Variants in ITFG1 observed in about 807,000 individuals in gnomAD.
ITFG1 encodes integrin alpha FG-GAP repeat containing 1.
Under a neutral mutation model 81.8 loss-of-function variants are expected in ITFG1, and 34 were observed. That is an observed-to-expected ratio of 0.42 (90% CI 0.32 to 0.55). The LOEUF is 0.55. Ranked by LOEUF, ITFG1 falls within the 20% of genes least tolerant of loss-of-function variation. The pLI is 0.17. For missense variants in ITFG1, 672 were observed against 755.4 expected (o/e 0.89, Z 1.29); for synonymous variants, 285 against 270.6 (o/e 1.05, Z -0.52).
intron 14 of ITFG1, among the ~76,000 whole-genome samples, chr16:47,202,847 A>G (rs1382066458): frequency 1.3e-5 from 2 of 152,196 alleles, no homozygotes; most frequent in African/African-American, 4.8e-5. Flanking sequence ...AAAAAGTAAA[A>G]ATAACTAAAT....
chr16:47,297,324 A>T (rs1247800023), intron 10 of ITFG1, among the ~76,000 whole-genome samples: 2 of 152,176 alleles, frequency 1.3e-5, no homozygotes, highest in African/African-American at 4.8e-5. Flanking sequence ...TTACCAGCTG[A>T]GAGGATTTCT....
chr16:47,279,011 G>GT (rs1205240938), intron 10 of ITFG1, among the ~76,000 whole-genome samples: 9 of 152,034 alleles, frequency 5.9e-5, no homozygotes, highest in South Asian at 2.1e-4. Context: ...TGAGTTTAGA[G>GT]TTTTTTTATA....
chr16:47,347,853 AG>A (rs1417401887), intron 8 of ITFG1, among the ~76,000 whole-genome samples: 8 of 152,242 alleles, frequency 5.3e-5, no homozygotes, highest in Admixed American at 3.9e-4. Flanking sequence ...GAACTTCCAG[AG>A]GAACGATCAG....
intron 13 of ITFG1, among the ~76,000 whole-genome samples, chr16:47,223,443 A>T (rs963095305): frequency 2.0e-5 from 3 of 152,266 alleles, no homozygotes; most frequent in Non-Finnish European, 2.9e-5. Context: ...ACATTTATGC[A>T]GCCAAAAAAC....
chr16:47,218,805 T>C, intron 14 of ITFG1, 63 bp downstream of exon 14: 1 of 967,224 alleles, frequency 1.0e-6, no homozygotes, highest in Non-Finnish European at 1.5e-6. Flanking sequence ...TCCACCAGTT[T>C]ACCTTGCTAA....
At chr16:47,227,539 A>G (rs746238578) in intron 13 of ITFG1, among the ~76,000 whole-genome samples, 1 of 152,172 alleles carries the variant, frequency 6.6e-6, no homozygotes, top group Non-Finnish European at 1.5e-5. Context: ...GATTCTTTCT[A>G]ACTAACCTGA....
At position 47,297,247 on chromosome 16, in the gene ITFG1, C is replaced by T. The variant is rs1447414710; in HGVS notation, c.1070+13993G>A. The stretch of plus-strand genomic sequence containing the variant: ...ATATGAATATAGTTACTCCTGCTTG[C>T]TTTTGGTTTCCATTCATGTGAGGAA... On this transcript the variant is annotated intron_variant, in intron 10 of 17. Coordinates refer to ENST00000320640, the MANE Select transcript of ITFG1 (RefSeq NM_030790.5). Among the ~76,000 whole-genome samples the T allele has an allele frequency of 6.6e-5, 10 of 152,132 alleles. No individual in the cohort carries two copies. In the East Asian group the frequency reaches 1.7e-3, roughly 27 times the overall value.
chr16:47,346,860 G>C (rs752386656), intron 8 of ITFG1, among the ~76,000 whole-genome samples: 12 of 152,200 alleles, frequency 7.9e-5, no homozygotes, highest in Non-Finnish European at 1.8e-4. Context: ...CCAATTCTCA[G>C]AGTATTCCAG....
chr16:47,157,737 GAAC>G (rs1044006558), intron 17 of ITFG1: 1 of 152,148 alleles, frequency 6.6e-6, no homozygotes, highest in Non-Finnish European at 1.5e-5. Flanking sequence ...AGCATTTATA[GAAC>G]AACTAATATG....
intron 8 of ITFG1, among the ~76,000 whole-genome samples, chr16:47,354,841 A>C (rs888834864): frequency 6.6e-6 from 1 of 152,122 alleles, no homozygotes; most frequent in Admixed American, 6.6e-5. Context: ...TCACAACGAG[A>C]TATCTATCAC....
At chr16:47,305,487 T>C (rs1967144025) in intron 10 of ITFG1, among the ~76,000 whole-genome samples, 1 of 152,076 alleles carries the variant, frequency 6.6e-6, no homozygotes, top group Admixed American at 6.6e-5. Flanking sequence ...ATATGAGCTT[T>C]AGAAACAAAT....
intron 13 of ITFG1, among the ~76,000 whole-genome samples, chr16:47,224,233 G>C (rs1274421517): frequency 2.0e-5 from 3 of 152,120 alleles, no homozygotes; most frequent in African/African-American, 7.2e-5. Flanking sequence ...ATAAATAAAA[G>C]AAAATAATCA....
At chr16:47,444,863 G>C (rs867698742) in intron 5 of ITFG1, among the ~76,000 whole-genome samples, 1 of 152,084 alleles carries the variant, frequency 6.6e-6, no homozygotes, top group African/African-American at 2.4e-5. Flanking sequence ...GCTAAGAACA[G>C]TTATAAGATC....
At chr16:47,448,760 A>T (rs1969352606) in intron 5 of ITFG1, 1 of 152,170 alleles carries the variant, frequency 6.6e-6, no homozygotes, top group Non-Finnish European at 1.5e-5. Flanking sequence ...GTCCTCTTAT[A>T]GAAAATGCTC....
In ITFG1 at chr16:47,459,105, G is replaced by T. The variant is rs745436811; in HGVS notation, c.279C>A (p.Phe93Leu). Residue 93 changes from phenylalanine (F) to leucine (L), a missense_variant and splice_region_variant, in exon 2 of 18, where the codon TTC becomes TTA. Transcript: ENST00000320640. ...PYFKPKVKVS[F>L]KNHSALITSV... ...AAAATAATCATATTTGTACTTACTT[G>T]AAAGATACCTTTACTTTGGGTTTAA... 2 of 1,547,732 alleles carry T rather than the reference G, an allele frequency of 1.3e-6. No homozygotes were observed. The highest frequency in any genetic ancestry group is 1.7e-5 in the Admixed American group (1 of 59,888).
Position 47,378,793 on chromosome 16 carries a change from G to A in ITFG1, c.656-2853C>T, listed in dbSNP as rs377083492. ...TTAATTATTAGTAATTAAATATAAA[G>A]AATCATGCCTCAGACTTTGAATGAA... On this transcript the variant is annotated intron_variant, in intron 6 of 17. Transcript: ENST00000320640. 1.6e-4 allele frequency among the ~76,000 whole-genome samples: 25 copies of A among 152,120 alleles called. No individual in the cohort carries two copies. In the East Asian group the frequency reaches 2.7e-3, roughly 16 times the overall value.
At chr16:47,298,487 T>C (rs964397876) in intron 10 of ITFG1, among the ~76,000 whole-genome samples, 9 of 152,170 alleles carry the variant, frequency 5.9e-5, no homozygotes, top group Non-Finnish European at 1.0e-4. Flanking sequence ...TTTTTTTTTT[T>C]CTCTTCAGGA....
chr16:47,337,309 T>TGCC (rs1967719477), intron 8 of ITFG1, among the ~76,000 whole-genome samples: 1 of 152,014 alleles, frequency 6.6e-6, no homozygotes, highest in Non-Finnish European at 1.5e-5. Flanking sequence ...CGGTGGCTCA[T>TGCC]GCCTGTAATC....
chr16:47,431,567 T>G (rs1205614408), intron 5 of ITFG1, among the ~76,000 whole-genome samples: 2 of 152,188 alleles, frequency 1.3e-5, no homozygotes, highest in African/African-American at 4.8e-5. Context: ...GGGTACAGGG[T>G]TCCCTTTGCA....
Sources: gnomAD v4.1 joint callset for allele counts (sites outside exome capture counted in the v4.1 genomes callset) on GRCh38, gnomAD v4.1.1 for gene constraint, MANE v1.5 for transcripts, NCBI Gene and HGNC (gene_info 2026-07-23, HGNC 2026-07-21) for gene names.